ABCB5: variants seen among roughly 807,000 people sequenced by gnomAD.
ABCB5 encodes ATP-binding cassette sub-family B member 5.
Under a neutral mutation model 144.2 loss-of-function variants are expected in ABCB5, and 155 were observed. The ratio of observed to expected loss-of-function variants is 1.08; its 90% CI spans 0.94 to 1.23. ABCB5 has a LOEUF of 1.23. Ranked by LOEUF, ABCB5 falls within the 50% of genes most tolerant of loss-of-function variation. ABCB5 has a pLI of 0.00. For synonymous variants in ABCB5, 610 were observed against 528.6 expected (o/e 1.15, Z -2.11); for missense variants, 1,830 against 1,520.8 (o/e 1.20, Z -3.38).
At chr7:20,679,205 C>T (rs1337064842) in intron 14 of ABCB5, among the ~76,000 whole-genome samples, 5 of 152,004 alleles carry the variant, frequency 3.3e-5, no homozygotes, top group Non-Finnish European at 5.9e-5. Flanking sequence ...CGGTGGTTCA[C>T]GCCTGTAATC....
At chr7:20,683,724 A>G (rs1785900026) in intron 15 of ABCB5, among the ~76,000 whole-genome samples, 1 of 152,228 alleles carries the variant, frequency 6.6e-6, no homozygotes, top group South Asian at 2.1e-4. Flanking sequence ...AATACTAAGT[A>G]TAATATTCTA....
chr7:20,747,147 C>T (rs1218791953), intron 26 of ABCB5, among the ~76,000 whole-genome samples: 1 of 152,196 alleles, frequency 6.6e-6, no homozygotes, highest in Non-Finnish European at 1.5e-5. Context: ...TTAATGGCAA[C>T]TTCCTTTTTA....
intron 13 of ABCB5, among the ~76,000 whole-genome samples, chr7:20,651,904 ATTC>A (rs200280589): frequency 0.056 from 8,567 of 152,274 alleles, 339 homozygotes; most frequent in South Asian, 0.14. Context: ...GCCCAAGACA[ATTC>A]TTCTTTCAAT....
At position 20,714,508 on chromosome 7, in the gene ABCB5, G is replaced by A. The variant is rs1029122457; in HGVS notation, c.2422-8508G>A. ...TCCTTCAATTCTTGTAGTACTCCTCGAGGCCAAGAGTCTCTTATTTTCTGT... is the reference window on the plus strand; with the variant it reads ...TCCTTCAATTCTTGTAGTACTCCTCAAGGCCAAGAGTCTCTTATTTTCTGT... On this transcript the variant is annotated intron_variant, in intron 20 of 27. Coordinates refer to ENST00000404938, the MANE Select transcript of ABCB5 (RefSeq NM_001163941.2). Among the ~76,000 whole-genome samples, 20 of 151,684 alleles carry A rather than the reference G, an allele frequency of 1.3e-4. 1 individual carries two copies. The highest frequency in any genetic ancestry group is 3.9e-4 in the African/African-American group (16 of 41,230).
chr7:20,684,235 T>C (rs187203384), intron 15 of ABCB5, among the ~76,000 whole-genome samples: 12 of 152,218 alleles, frequency 7.9e-5, no homozygotes, highest in African/African-American at 2.9e-4. Flanking sequence ...GTTATATACA[T>C]GTATATTGCT....
At chr7:20,703,626 C>G (rs756521350) in intron 19 of ABCB5, among the ~76,000 whole-genome samples, 10 of 151,716 alleles carry the variant, frequency 6.6e-5, no homozygotes, top group Non-Finnish European at 4.4e-5. Flanking sequence ...TTTTTTTGTT[C>G]TTTACTCACT....
At chr7:20,705,169 T>C (rs1439463509) in intron 20 of ABCB5, among the ~76,000 whole-genome samples, 1 of 152,194 alleles carries the variant, frequency 6.6e-6, no homozygotes, top group African/African-American at 2.4e-5. Context: ...AGGTTTAGTT[T>C]TTCCTTCCCC....
At chr7:20,676,621 T>A (rs10281505) in intron 14 of ABCB5, among the ~76,000 whole-genome samples, 17 of 152,096 alleles carry the variant, frequency 1.1e-4, no homozygotes, top group Non-Finnish European at 2.5e-4. Context: ...TGCTGTTCAG[T>A]GGGAATAAAA....
At chr7:20,752,425 T>C (rs1200049148) in intron 26 of ABCB5, among the ~76,000 whole-genome samples, 1 of 152,216 alleles carries the variant, frequency 6.6e-6, no homozygotes, top group Non-Finnish European at 1.5e-5. Context: ...GAAATTTTCT[T>C]TACCCTTCCA....
At chr7:20,739,232 C>A (rs184298032) in intron 24 of ABCB5, 93 bp downstream of exon 24, 72 of 1,319,024 alleles carry the variant, frequency 5.5e-5, no homozygotes, top group Admixed American at 1.7e-4. Flanking sequence ...GGGGCAAGGG[C>A]TGAAAAACTA....
At chr7:20,700,248 T>C (rs986221784) in intron 19 of ABCB5, 113 bp downstream of exon 19, 9 of 946,046 alleles carry the variant, frequency 9.5e-6, no homozygotes, top group African/African-American at 1.7e-5. Flanking sequence ...GAAAGCACAC[T>C]CTTTTTGTTC....
chr7:20,657,608 A>G (rs2128029257), intron 13 of ABCB5, among the ~76,000 whole-genome samples: 1 of 152,344 alleles, frequency 6.6e-6, no homozygotes, highest in South Asian at 2.1e-4. Flanking sequence ...CGGTATCTGC[A>G]GGCATGGTAT....
At chr7:20,654,184 T>C (rs76157869) in intron 13 of ABCB5, among the ~76,000 whole-genome samples, 1 of 152,144 alleles carries the variant, frequency 6.6e-6, no homozygotes, top group Non-Finnish European at 1.5e-5. Context: ...GCACTGTTTT[T>C]TTTTTGTTTT....
chr7:20,654,710 C>T (rs1457898284), intron 13 of ABCB5, among the ~76,000 whole-genome samples: 1 of 151,860 alleles, frequency 6.6e-6, no homozygotes, highest in African/African-American at 2.4e-5. Flanking sequence ...TCACAAAAAA[C>T]AATTCTAAAG....
intron 26 of ABCB5, among the ~76,000 whole-genome samples, chr7:20,745,970 T>C (rs115525424): frequency 0.017 from 2,653 of 152,286 alleles, 62 homozygotes; most frequent in African/African-American, 0.049. Context: ...ACACAGTCGC[T>C]TTGCTGCAGC....
chr7:20,680,240 G>T (rs1785744112), intron 14 of ABCB5, among the ~76,000 whole-genome samples: 1 of 152,080 alleles, frequency 6.6e-6, no homozygotes, highest in Admixed American at 6.6e-5. Flanking sequence ...CGGGATAGTG[G>T]TGACCCTTGG....
rs1408319057 is a variant in ABCB5, at chr7:20,650,106, G to T, written c.1291G>T (p.Val431Phe). 1 of 1,613,658 alleles carries T rather than the reference G, an allele frequency of 6.2e-7. No homozygotes were observed. The change falls in exon 12 of 28, where the codon GTC (valine) becomes TTC (phenylalanine). Residue 431 changes from valine to phenylalanine, a missense_variant. Coordinates refer to ENST00000404938, the MANE Select transcript of ABCB5 (RefSeq NM_001163941.2). ...GLNGSGKSTV[V>F]QLLQRLYDPD... Reference sequence around the variant, plus strand: ...CAATGGCAGTGGGAAGAGTACGGTAGTCCAGCTTCTGCAGAGGTTATATGA... The same window carrying T: ...CAATGGCAGTGGGAAGAGTACGGTATTCCAGCTTCTGCAGAGGTTATATGA...
intron 20 of ABCB5, among the ~76,000 whole-genome samples, chr7:20,713,247 T>A (rs1781554282): frequency 6.7e-6 from 1 of 149,342 alleles, no homozygotes. Flanking sequence ...ATTTTTTTTT[T>A]TTTCCAGACA....
At chr7:20,655,677 A>G (rs992226538) in intron 13 of ABCB5, among the ~76,000 whole-genome samples, 1 of 152,226 alleles carries the variant, frequency 6.6e-6, no homozygotes, top group Non-Finnish European at 1.5e-5. Flanking sequence ...AATAGAAAGT[A>G]CCTTATTCAT....
Sources: gnomAD v4.1 joint callset for allele counts (sites outside exome capture counted in the v4.1 genomes callset) on GRCh38, gnomAD v4.1.1 for gene constraint, MANE v1.5 for transcripts, NCBI Gene and HGNC (gene_info 2026-07-23, HGNC 2026-07-21) for gene names.